Variants in AGBL4 observed in about 807,000 individuals in gnomAD.
The protein encoded by AGBL4 is AGBL carboxypeptidase 4.
In AGBL4, 58 loss-of-function variants were observed where a neutral mutation model predicts 66.4. The observed-to-expected ratio is 0.87, with a 90% CI of 0.71 to 1.09. AGBL4 has a LOEUF of 1.09. Among genes scored for constraint, AGBL4 ranks in the 50% least tolerant of loss-of-function variants. AGBL4 has a pLI of 0.00. For missense variants in AGBL4, 579 were observed against 631.0 expected, an observed-to-expected ratio of 0.92 and a Z score of 0.88; for synonymous variants, 234 against 222.9, an observed-to-expected ratio of 1.05 and a Z score of -0.44.
intron 3 of AGBL4, among the ~76,000 whole-genome samples, chr1:49,685,622 G>A (rs1162726765): frequency 3.3e-5 from 5 of 152,180 alleles, no homozygotes; most frequent in African/African-American, 1.2e-4. Flanking sequence ...ATACCTCATA[G>A]TAGTTTCAAT....
intron 5 of AGBL4, among the ~76,000 whole-genome samples, chr1:48,897,306 G>T (rs370778531): frequency 3.9e-5 from 6 of 152,276 alleles, no homozygotes; most frequent in African/African-American, 1.4e-4. Flanking sequence ...CTGCAAATGA[G>T]AGGGTTTCAT....
intron 3 of AGBL4, among the ~76,000 whole-genome samples, chr1:49,668,448 C>T (rs1428106516): frequency 3.3e-5 from 5 of 152,160 alleles, no homozygotes; most frequent in African/African-American, 2.4e-5. Flanking sequence ...CTTATTATTA[C>T]GGAAATAAAT....
rs547217852 is a variant in AGBL4 at position 49,163,222 on chromosome 1, AGT to A, written c.377+82546_377+82547del. 7.2e-5 allele frequency among the ~76,000 whole-genome samples: 11 copies of A among 152,282 alleles called. No individual in the cohort carries two copies. The South Asian group carries it at 2.3e-3, about 32-fold the overall frequency. On this transcript the variant is annotated intron_variant, in intron 4 of 13. Transcript: ENST00000371839. Reference sequence around the variant, plus strand: ...CCCTTACTCATTCAACAAATATTTGAGTGTTAACTATGTGCAGGGCAGAGTGA... The same window carrying A: ...CCCTTACTCATTCAACAAATATTTGAGTTAACTATGTGCAGGGCAGAGTGA...
chr1:48,789,294 ATT>A (rs58314536), intron 6 of AGBL4, among the ~76,000 whole-genome samples: 71,082 of 131,546 alleles, frequency 0.54, 18,247 homozygotes, highest in Middle Eastern at 0.64. Context: ...ATATATATAT[ATT>A]TTTTTTTTTT....
intron 2 of AGBL4, among the ~76,000 whole-genome samples, chr1:49,786,613 CAA>C (rs968511942): frequency 1.3e-4 from 20 of 152,246 alleles, no homozygotes; most frequent in African/African-American, 3.6e-4. Flanking sequence ...CATCTCCAGA[CAA>C]AGTTTTTCTA....
chr1:49,250,047 G>C lies in AGBL4; in HGVS notation c.283-4183C>G, dbSNP rs922632085. The stretch of plus-strand genomic sequence containing the variant: ...GTAGATTTCATAGAGGTAGAGAATA[G>C]AATGCTGATTACCAGAGGCCAGTAA... On this transcript the variant is annotated intron_variant, in intron 3 of 13. Transcript: ENST00000371839. Among the ~76,000 whole-genome samples, 7 of 152,162 alleles carry C rather than the reference G, an allele frequency of 4.6e-5. No individual in the cohort carries two copies. The East Asian group carries it at 5.8e-4, about 13-fold the overall frequency.
intron 4 of AGBL4, among the ~76,000 whole-genome samples, chr1:49,053,579 C>T (rs757552507): frequency 9.2e-5 from 14 of 152,038 alleles, no homozygotes; most frequent in Admixed American, 2.6e-4. Flanking sequence ...TTGAAATATG[C>T]CTGGGAAATA....
intron 5 of AGBL4, among the ~76,000 whole-genome samples, chr1:48,974,060 G>C (rs567569824): frequency 6.6e-6 from 1 of 152,226 alleles, no homozygotes; most frequent in East Asian, 1.9e-4. Context: ...GGAAATGGCT[G>C]TGAGAGAAAA....
At chr1:49,906,444 G>C (rs1650285032) in intron 1 of AGBL4, among the ~76,000 whole-genome samples, 1 of 151,920 alleles carries the variant, frequency 6.6e-6, no homozygotes. Flanking sequence ...GTGGTTATAA[G>C]TTTTTCCAGT....
Position 49,955,707 on chromosome 1 carries a change from G to C in AGBL4, c.34+68056C>G, listed in dbSNP as rs1656544373. On this transcript the variant is annotated intron_variant, in intron 1 of 13. Coordinates refer to ENST00000371839, the MANE Select transcript of AGBL4 (RefSeq NM_032785.4). Reference sequence around the variant, plus strand: ...GAGCCTAAGGGCAATTCTGGGTAGTGAAAGTGGTATTGAAGAATGAGACAA... The same window carrying C: ...GAGCCTAAGGGCAATTCTGGGTAGTCAAAGTGGTATTGAAGAATGAGACAA... Among the ~76,000 whole-genome samples, 2 of 151,920 alleles carry C rather than the reference G, an allele frequency of 1.3e-5. 1 individual carries two copies. The highest frequency in any genetic ancestry group is 2.9e-5 in the Non-Finnish European group (2 of 67,932).
chr1:49,454,426 C>G (rs1286520916), intron 3 of AGBL4, among the ~76,000 whole-genome samples: 1 of 151,676 alleles, frequency 6.6e-6, no homozygotes, highest in African/African-American at 2.4e-5. Flanking sequence ...TTGAAGATAA[C>G]CAGGCAGAGG....
At chr1:49,536,083 A>T (rs942754052) in intron 3 of AGBL4, among the ~76,000 whole-genome samples, 2 of 152,234 alleles carry the variant, frequency 1.3e-5, no homozygotes, top group African/African-American at 4.8e-5. Flanking sequence ...CAAGTCATAA[A>T]ATATTTATTT....
intron 2 of AGBL4, among the ~76,000 whole-genome samples, chr1:49,745,290 C>T (rs1650896516): frequency 6.6e-6 from 1 of 151,950 alleles, no homozygotes; most frequent in Non-Finnish European, 1.5e-5. Context: ...CTATGGTCAA[C>T]CATGGTCCAA....
chr1:49,798,622 C>T (rs1644786318), intron 2 of AGBL4, among the ~76,000 whole-genome samples: 1 of 152,142 alleles, frequency 6.6e-6, no homozygotes, highest in Admixed American at 6.5e-5. Context: ...TACTGACTGA[C>T]ATATTTAATG....
At chr1:49,441,744 G>A (rs1163953578) in intron 3 of AGBL4, among the ~76,000 whole-genome samples, 1 of 152,142 alleles carries the variant, frequency 6.6e-6, no homozygotes, top group South Asian at 2.1e-4. Flanking sequence ...GGTGGCAGGG[G>A]CCAAGTGCTT....
chr1:49,505,392 T>A (rs1648587781), intron 3 of AGBL4, among the ~76,000 whole-genome samples: 1 of 151,966 alleles, frequency 6.6e-6, no homozygotes, highest in African/African-American at 2.4e-5. Flanking sequence ...AAGAACTCCC[T>A]TTAGCATTTC....
intron 3 of AGBL4, among the ~76,000 whole-genome samples, chr1:49,424,429 A>G (rs1645613708): frequency 6.6e-6 from 1 of 152,206 alleles, no homozygotes; most frequent in South Asian, 2.1e-4. Context: ...GTTAAATGAA[A>G]GAGAAACCAA....
At chr1:48,674,726 T>C (rs1426132482) in intron 6 of AGBL4, among the ~76,000 whole-genome samples, 1 of 152,192 alleles carries the variant, frequency 6.6e-6, no homozygotes, top group Non-Finnish European at 1.5e-5. Context: ...TGAATTAAAA[T>C]AAAGTACTAA....
intron 3 of AGBL4, among the ~76,000 whole-genome samples, chr1:49,276,985 CA>C (rs914186396): frequency 1.1e-4 from 16 of 150,734 alleles, no homozygotes; most frequent in Admixed American, 3.3e-4. Context: ...TAGCAATAGC[CA>C]AAGGATATAC....
Sources: gnomAD v4.1 joint callset for allele counts (sites outside exome capture counted in the v4.1 genomes callset) on GRCh38, gnomAD v4.1.1 for gene constraint, MANE v1.5 for transcripts, NCBI Gene and HGNC (gene_info 2026-07-23, HGNC 2026-07-21) for gene names.